Variants in SH3KBP1 observed in about 807,000 individuals in gnomAD.
SH3KBP1 encodes SH3 domain containing kinase binding protein 1.
SH3KBP1 carries 8 observed loss-of-function variants against 50.1 expected under a neutral mutation model. The ratio of observed to expected loss-of-function variants is 0.16; its 90% CI spans 0.09 to 0.29. The LOEUF (loss-of-function observed/expected upper bound fraction) is 0.29, where lower values mean the gene tolerates loss of function less well. SH3KBP1 is among the 10% of genes least tolerant of loss of function. SH3KBP1 has a pLI of 1.00. For synonymous variants in SH3KBP1, 227 were observed against 218.6 expected, an observed-to-expected ratio of 1.04 and a Z score of -0.34; for missense variants, 377 against 535.2, an observed-to-expected ratio of 0.70 and a Z score of 2.92.
chrX:19,607,175 G>A (rs747738622), intron 9 of SH3KBP1, among the ~76,000 whole-genome samples: 33 of 112,597 alleles, frequency 2.9e-4, no homozygotes, highest in East Asian at 1.1e-3. Flanking sequence ...GCTCAGCACC[G>A]TCCAGTAACA....
intron 2 of SH3KBP1, among the ~76,000 whole-genome samples, chrX:19,796,856 A>G (rs1461053791): frequency 8.9e-6 from 1 of 112,345 alleles, no homozygotes; most frequent in African/African-American, 3.2e-5. Context: ...CTGGGGTCTG[A>G]AATGCTCCCA....
At chrX:19,599,875 C>T (rs777993479) in intron 9 of SH3KBP1, among the ~76,000 whole-genome samples, 8 of 111,030 alleles carry the variant, frequency 7.2e-5, no homozygotes, top group East Asian at 2.8e-4. Context: ...GCGCCAGGCG[C>T]GGTGGCTCAC....
intron 6 of SH3KBP1, among the ~76,000 whole-genome samples, chrX:19,649,298 T>C (rs180778617): frequency 1.8e-5 from 2 of 112,111 alleles, no homozygotes; most frequent in Non-Finnish European, 3.8e-5. Context: ...AGACCCATTT[T>C]GCCATATGAC....
chrX:19,652,465 C>T (rs1213075539), intron 6 of SH3KBP1, among the ~76,000 whole-genome samples: 3 of 111,125 alleles, frequency 2.7e-5, no homozygotes, highest in African/African-American at 9.8e-5. Flanking sequence ...GTGATTATCA[C>T]CCACGTATGC....
intron 1 of SH3KBP1, among the ~76,000 whole-genome samples, chrX:19,850,303 C>A (rs1380523510): frequency 1.8e-5 from 2 of 110,727 alleles, no homozygotes; most frequent in African/African-American, 3.3e-5. Flanking sequence ...CATGTCTCAG[C>A]CTACTGCATA....
chrX:19,715,328 A>G (rs773875707), intron 3 of SH3KBP1, among the ~76,000 whole-genome samples: 6 of 110,295 alleles, frequency 5.4e-5, no homozygotes, highest in Non-Finnish European at 1.1e-4. Context: ...GTAATCAAAA[A>G]GAGTATGTGT....
At chrX:19,622,085 T>A (rs748349052) in intron 8 of SH3KBP1, among the ~76,000 whole-genome samples, 2 of 112,624 alleles carry the variant, frequency 1.8e-5, no homozygotes, top group Admixed American at 9.4e-5. Flanking sequence ...TGAGGAAATT[T>A]TAAGCCTAAA....
intron 12 of SH3KBP1, among the ~76,000 whole-genome samples, chrX:19,584,275 ATATATAAATATATTTATATTTATATT>A (rs1377966881): frequency 1.0e-5 from 1 of 95,544 alleles, no homozygotes; most frequent in Non-Finnish European, 2.0e-5. Context: ...ATATTTATAT[ATATATAAATATATTTATATTTATATT>A]TATAAATATG....
At chrX:19,750,772 A>G (rs2065042447) in intron 2 of SH3KBP1, among the ~76,000 whole-genome samples, 1 of 111,681 alleles carries the variant, frequency 9.0e-6, no homozygotes, top group Non-Finnish European at 1.9e-5. Context: ...AGGCTTATAA[A>G]TTAAAGTGCT....
rs191412541 is a variant in SH3KBP1 at position 19,660,142 on chromosome X, A to G, written c.727-14667T>C. ...GTGGTAAGACTGAATTAGTATTAAG[A>G]AGACTTACAGTTATGCAATCTTGTG... is the stretch of plus-strand genomic sequence containing the variant. On this transcript the variant is annotated intron_variant, in intron 6 of 17. Transcript: ENST00000397821. Among the ~76,000 whole-genome samples the G allele has an allele frequency of 9.8e-5, 11 of 112,550 alleles. No homozygotes were observed. In the Admixed American group the frequency reaches 1.0e-3, roughly 11 times the overall value.
Position 19,881,703 on chromosome X carries a change from G to A in SH3KBP1, c.4+5604C>T, listed in dbSNP as rs926510334. ...TCGTCAATAGGCGACACCTGAATTG[G>A]CAAAGTGGCTGCAATCACTCAAGGA... On this transcript the variant is annotated intron_variant, in intron 1 of 17. Coordinates refer to ENST00000397821, the MANE Select transcript of SH3KBP1 (RefSeq NM_031892.3). Among the ~76,000 whole-genome samples the A allele has an allele frequency of 2.7e-5, 3 of 111,675 alleles. No individual in the cohort carries two copies. The Admixed American group carries it at 2.9e-4, about 11-fold the overall frequency.
intron 2 of SH3KBP1, among the ~76,000 whole-genome samples, chrX:19,767,452 G>C (rs1399506461): frequency 8.9e-6 from 1 of 112,418 alleles, no homozygotes; most frequent in Non-Finnish European, 1.9e-5. Context: ...CTGAATTTCT[G>C]AGTCTTAATA....
intron 6 of SH3KBP1, among the ~76,000 whole-genome samples, chrX:19,678,051 C>T (rs959258514): frequency 9.0e-6 from 1 of 111,724 alleles, no homozygotes; most frequent in African/African-American, 3.3e-5. Flanking sequence ...CTGAGTTAGT[C>T]CAATGTTGCT....
chrX:19,723,019 C>T (rs1221080811), intron 3 of SH3KBP1, among the ~76,000 whole-genome samples: 4 of 108,404 alleles, frequency 3.7e-5, no homozygotes, highest in African/African-American at 6.8e-5. Flanking sequence ...TAGTGACACA[C>T]GCCTGTAATC....
intron 2 of SH3KBP1, among the ~76,000 whole-genome samples, chrX:19,808,869 C>A (rs2067127437): frequency 8.9e-6 from 1 of 111,916 alleles, no homozygotes; most frequent in Non-Finnish European, 1.9e-5. Context: ...GGAGGGACAT[C>A]TTTGCAGCTC....
intron 4 of SH3KBP1, among the ~76,000 whole-genome samples, chrX:19,699,946 T>C (rs1447277733): frequency 9.0e-6 from 1 of 111,708 alleles, no homozygotes; most frequent in Non-Finnish European, 1.9e-5. Flanking sequence ...GGAGGCTTTA[T>C]CAGGTCTACA....
At chrX:19,747,124 T>G (rs1025736318) in intron 2 of SH3KBP1, among the ~76,000 whole-genome samples, 1 of 112,049 alleles carries the variant, frequency 8.9e-6, no homozygotes, top group Non-Finnish European at 1.9e-5. Flanking sequence ...GCAACAGAGA[T>G]CAAAGTCTAA....
Position 19,569,285 on chromosome X carries a change from G to A in SH3KBP1, c.1299-97C>T, listed in dbSNP as rs751958119. The A allele has an allele frequency of 2.7e-3, 2,047 of 769,984 alleles. 5 individuals are homozygous for A. The highest frequency in any genetic ancestry group is 3.6e-3 in the Non-Finnish European group (1,798 of 505,916). 63.5% of individuals were successfully genotyped at this position (769,984 alleles called of 1,213,427 possible). ...TGCACACGTTAAGGAGTGTGCTGGT[G>A]TGGAGTGGATGGCACTGTTGCCTGT... On this transcript the variant is annotated intron_variant, in intron 12 of 17. Coordinates refer to ENST00000397821, the MANE Select transcript of SH3KBP1 (RefSeq NM_031892.3).
intron 4 of SH3KBP1, 38 bp from the exon 5 acceptor site, chrX:19,695,779 T>C: frequency 1.7e-6 from 2 of 1,201,982 alleles, no homozygotes; most frequent in Non-Finnish European, 2.2e-6. Context: ...GATACATGGG[T>C]CAGGTTAGAC....
Sources: gnomAD v4.1 joint callset for allele counts (sites outside exome capture counted in the v4.1 genomes callset) on GRCh38, gnomAD v4.1.1 for gene constraint, MANE v1.5 for transcripts, NCBI Gene and HGNC (gene_info 2026-07-23, HGNC 2026-07-21) for gene names.